PDGFRA: variants seen among roughly 807,000 people sequenced by gnomAD.
PDGFRA encodes the protein platelet-derived growth factor receptor alpha.
A neutral mutation model predicts 121.5 loss-of-function variants in PDGFRA; 25 were observed. The ratio of observed to expected loss-of-function variants is 0.21; its 90% CI spans 0.15 to 0.29. The LOEUF is 0.29. PDGFRA is among the 10% of genes least tolerant of loss of function. The pLI is 1.00. For synonymous variants in PDGFRA, 463 were observed against 494.8 expected, an observed-to-expected ratio of 0.94 and a Z score of 0.85; for missense variants, 1,008 against 1,345.1, an observed-to-expected ratio of 0.75 and a Z score of 3.92.
intron 22 of PDGFRA, among the ~76,000 whole-genome samples, chr4:54,292,521 G>A (rs1441494283): frequency 1.3e-5 from 2 of 152,098 alleles, no homozygotes; most frequent in African/African-American, 2.4e-5. Flanking sequence ...CCTTTCAGGG[G>A]TTGGGGATTG....
chr4:54,285,597 A>T, intron 17 of PDGFRA, 111 bp downstream of exon 17: 1 of 745,146 alleles, frequency 1.3e-6, no homozygotes, highest in Non-Finnish European at 2.5e-6. Flanking sequence ...GGGGCCTCTT[A>T]CTTACCTGTC....
intron 1 of PDGFRA, among the ~76,000 whole-genome samples, chr4:54,258,057 C>T (rs1722469802): frequency 6.6e-6 from 1 of 152,176 alleles, no homozygotes; most frequent in South Asian, 2.1e-4. Flanking sequence ...GAGTCTACTG[C>T]ATCCCTCCTA....
At chr4:54,250,600 T>G (rs1225229536) in intron 1 of PDGFRA, among the ~76,000 whole-genome samples, 1 of 152,242 alleles carries the variant, frequency 6.6e-6, no homozygotes, top group African/African-American at 2.4e-5. Context: ...CATTATTGTG[T>G]GCTACAGAGT....
intron 1 of PDGFRA, among the ~76,000 whole-genome samples, chr4:54,248,934 A>G (rs896307056): frequency 2.0e-5 from 3 of 152,364 alleles, no homozygotes; most frequent in African/African-American, 7.2e-5. Context: ...TCTCAAAAGA[A>G]GACATTTAAG....
In PDGFRA at chr4:54,286,050, C is replaced by T. The variant is rs535120942; in HGVS notation, c.2562+87C>T. On this transcript the variant is annotated intron_variant, in intron 18 of 22. Transcript: ENST00000257290. The stretch of plus-strand genomic sequence containing the variant: ...GGTGTTGCTTCTAGAGATTCGGTGC[C>T]TGTTTTTTAAAACATCAATAGATTT... 107 of 1,394,346 alleles carry T rather than the reference C, an allele frequency of 7.7e-5. 2 individuals are homozygous for T. In the South Asian group the frequency reaches 1.2e-3, roughly 15 times the overall value. The allele number at this position is 1,394,346 out of a possible 1,614,324, so 86.4% of individuals were successfully genotyped here. A position where few individuals can be genotyped will look rare whatever the true frequency, so the allele number is the denominator to read the frequency against.
intron 1 of PDGFRA, among the ~76,000 whole-genome samples, chr4:54,231,116 C>T (rs571530223): frequency 6.6e-6 from 1 of 152,308 alleles, no homozygotes; most frequent in Admixed American, 6.5e-5. Flanking sequence ...GCAGCCAGAG[C>T]GCCGGTCCCG....
At chr4:54,281,962 G>A (rs1261493860) in intron 16 of PDGFRA, 2 of 1,086,794 alleles carry the variant, frequency 1.8e-6, no homozygotes, top group Middle Eastern at 4.0e-4. Flanking sequence ...AGAAAATAAA[G>A]CAATTCACAG....
At chr4:54,239,843 A>G (rs1721201839) in intron 1 of PDGFRA, among the ~76,000 whole-genome samples, 1 of 151,716 alleles carries the variant, frequency 6.6e-6, no homozygotes, top group African/African-American at 2.4e-5. Context: ...AAAATTTTAA[A>G]TTATTTATTT....
At chr4:54,266,516 G>A (rs574315540) in intron 5 of PDGFRA, among the ~76,000 whole-genome samples, 11 of 151,202 alleles carry the variant, frequency 7.3e-5, no homozygotes, top group South Asian at 4.2e-4. Context: ...CAAAGTGTTG[G>A]GATTGATTAC....
chr4:54,244,410 GA>G (rs1721499359), intron 1 of PDGFRA, among the ~76,000 whole-genome samples: 1 of 152,072 alleles, frequency 6.6e-6, no homozygotes, highest in African/African-American at 2.4e-5. Flanking sequence ...TGCGGTTCAC[GA>G]AAATCTGCTG....
chr4:54,243,966 G>A (rs1169487030), intron 1 of PDGFRA, among the ~76,000 whole-genome samples: 1 of 152,182 alleles, frequency 6.6e-6, no homozygotes, highest in Non-Finnish European at 1.5e-5. Context: ...CTGATTGCTA[G>A]CACAGCAGCC....
intron 5 of PDGFRA, among the ~76,000 whole-genome samples, chr4:54,267,047 G>A (rs555661575): frequency 1.3e-3 from 202 of 152,154 alleles, no homozygotes; most frequent in Non-Finnish European, 1.7e-3. Context: ...TATTCTTTAG[G>A]TTTTATCTTT....
In PDGFRA at chr4:54,261,084, T is replaced by A. The variant is rs1273000988; in HGVS notation, c.50-11T>A. The A allele has an allele frequency of 6.2e-7, 1 of 1,613,668 alleles. No homozygotes were observed. The highest frequency in any genetic ancestry group is 8.5e-7 in the Non-Finnish European group (1 of 1,179,674). On this transcript the variant is annotated splice_polypyrimidine_tract_variant and intron_variant, in intron 2 of 22. Coordinates refer to ENST00000257290, the MANE Select transcript of PDGFRA (RefSeq NM_006206.6). ...GACTGCATCCTATTCAGAGCGTGCT[T>A]CCTTTTGCAGGGCTGAGCCTAATCC... is the stretch of plus-strand genomic sequence containing the variant.
At chr4:54,256,027 G>A (rs771489999) in intron 1 of PDGFRA, among the ~76,000 whole-genome samples, 2 of 152,040 alleles carry the variant, frequency 1.3e-5, no homozygotes, top group Non-Finnish European at 2.9e-5. Flanking sequence ...GCATTCCCAG[G>A]AGGTTAGGCA....
At chr4:54,282,035 G>A in intron 16 of PDGFRA, 1 of 865,800 alleles carries the variant, frequency 1.2e-6, no homozygotes, top group African/African-American at 1.8e-5. Flanking sequence ...AGATTTTAGT[G>A]TGTGTTTATG....
At chr4:54,240,465 G>A (rs1721241246) in intron 1 of PDGFRA, among the ~76,000 whole-genome samples, 1 of 152,242 alleles carries the variant, frequency 6.6e-6, no homozygotes, top group East Asian at 1.9e-4. Flanking sequence ...GCTCCAGGGT[G>A]TTTGGCACTG....
intron 1 of PDGFRA, among the ~76,000 whole-genome samples, chr4:54,242,034 C>T (rs1395900959): frequency 5.3e-5 from 8 of 152,186 alleles, no homozygotes; most frequent in Admixed American, 5.2e-4. Flanking sequence ...AAAGGTATAG[C>T]CTTTGCAAGT....
At chr4:54,278,107 G>C in intron 14 of PDGFRA, 101 bp downstream of exon 14, 1 of 793,664 alleles carries the variant, frequency 1.3e-6, no homozygotes, top group Non-Finnish European at 2.2e-6. Context: ...CCCACACATG[G>C]CAGGGAATAG....
At chr4:54,262,117 C>T (rs772219733) in intron 3 of PDGFRA, among the ~76,000 whole-genome samples, 128 of 151,708 alleles carry the variant, frequency 8.4e-4, no homozygotes, top group Non-Finnish European at 1.4e-3. Context: ...TTAGTTGAGA[C>T]GGGGGTTTCA....
Sources: allele counts gnomAD v4.1 joint callset (sites outside exome capture counted in the v4.1 genomes callset), GRCh38; gene constraint gnomAD v4.1.1; transcripts MANE v1.5; gene names NCBI Gene and HGNC (gene_info 2026-07-23, HGNC 2026-07-21).